The following BMP6 variants were observed in gnomAD, a reference collection of about 807,000 sequenced individuals.
BMP6 encodes the protein VG-1-R.
BMP6 carries 17 observed loss-of-function variants against 54.1 expected under a neutral mutation model. That is an observed-to-expected ratio of 0.31 (90% CI 0.22 to 0.47). The LOEUF is 0.47. Ranked by LOEUF, BMP6 falls within the 20% of genes least tolerant of loss-of-function variation. The pLI, the probability that BMP6 is intolerant of heterozygous loss-of-function variation, is 1.00. For synonymous variants in BMP6, 328 were observed against 291.2 expected (o/e 1.13, Z -1.28); for missense variants, 720 against 690.4 (o/e 1.04, Z -0.48).
At chr6:7,769,580 A>ATTTC (rs1057295998) in intron 1 of BMP6, among the ~76,000 whole-genome samples, 3 of 152,222 alleles carry the variant, frequency 2.0e-5, no homozygotes, top group Admixed American at 2.0e-4. Context: ...AAAACTTGAA[A>ATTTC]GACTTAACTG....
chr6:7,798,363 A>C (rs899482793), intron 1 of BMP6, among the ~76,000 whole-genome samples: 1 of 152,328 alleles, frequency 6.6e-6, no homozygotes, highest in Non-Finnish European at 1.5e-5. Flanking sequence ...TCCTCACCTT[A>C]CTGATGGTGA....
chr6:7,822,525 A>G (rs1039099386), intron 1 of BMP6, among the ~76,000 whole-genome samples: 1 of 152,146 alleles, frequency 6.6e-6, no homozygotes, highest in African/African-American at 2.4e-5. Flanking sequence ...CAGTGGTGCC[A>G]CCTCACTGCT....
chr6:7,852,625 A>G (rs897786031), intron 2 of BMP6, among the ~76,000 whole-genome samples: 8 of 152,110 alleles, frequency 5.3e-5, no homozygotes, highest in Non-Finnish European at 8.8e-5. Flanking sequence ...AAAAACCATA[A>G]AAGTCTGGAA....
intron 5 of BMP6, among the ~76,000 whole-genome samples, chr6:7,879,696 C>T (rs1759679921): frequency 1.3e-5 from 2 of 152,122 alleles, no homozygotes; most frequent in Admixed American, 6.5e-5. Context: ...ACCGTGGGCT[C>T]CTGGAGAGGC....
At chr6:7,835,605 T>C (rs192192163) in intron 1 of BMP6, among the ~76,000 whole-genome samples, 2 of 151,228 alleles carry the variant, frequency 1.3e-5, no homozygotes, top group East Asian at 3.9e-4. Context: ...GATTGATTTT[T>C]ACTAAATGTG....
At chr6:7,849,105 C>T (rs934974979) in intron 2 of BMP6, among the ~76,000 whole-genome samples, 3 of 152,130 alleles carry the variant, frequency 2.0e-5, no homozygotes, top group Admixed American at 6.5e-5. Flanking sequence ...GACGAAGTAC[C>T]GGAAAGAGGT....
At chr6:7,811,630 C>A (rs1357234930) in intron 1 of BMP6, among the ~76,000 whole-genome samples, 1 of 152,144 alleles carries the variant, frequency 6.6e-6, no homozygotes, top group Non-Finnish European at 1.5e-5. Flanking sequence ...GGGTAGTGTT[C>A]TTTTCTGCTG....
chr6:7,795,817 G>A (rs1411908854), intron 1 of BMP6, among the ~76,000 whole-genome samples: 1 of 152,136 alleles, frequency 6.6e-6, no homozygotes, highest in African/African-American at 2.4e-5. Flanking sequence ...CAATGGTAGG[G>A]AATGAGGTGT....
chr6:7,756,222 G>A (rs1475359688), intron 1 of BMP6, among the ~76,000 whole-genome samples: 4 of 151,862 alleles, frequency 2.6e-5, no homozygotes, highest in African/African-American at 9.7e-5. Context: ...TCTCTGTGTT[G>A]TCTCATTTGG....
intron 1 of BMP6, among the ~76,000 whole-genome samples, chr6:7,821,713 T>C (rs1395879391): frequency 2.0e-5 from 3 of 152,154 alleles, no homozygotes. Context: ...GTGACTACCA[T>C]GTGTGGTGAT....
chr6:7,794,041 G>A (rs1322242), intron 1 of BMP6, among the ~76,000 whole-genome samples: 7,192 of 152,264 alleles, frequency 0.047, 223 homozygotes, highest in Middle Eastern at 0.078. Flanking sequence ...GCTCTCATTC[G>A]CAAGCTCTGT....
intron 1 of BMP6, among the ~76,000 whole-genome samples, chr6:7,814,077 C>T (rs1192984257): frequency 6.6e-6 from 1 of 152,192 alleles, no homozygotes; most frequent in African/African-American, 2.4e-5. Context: ...CACCAAGTGG[C>T]CCTTTCCATC....
At chr6:7,828,153 T>C (rs1353584724) in intron 1 of BMP6, among the ~76,000 whole-genome samples, 1 of 152,234 alleles carries the variant, frequency 6.6e-6, no homozygotes, top group Non-Finnish European at 1.5e-5. Context: ...TTAGGAAGCA[T>C]TGCCTATTCA....
chr6:7,836,615 T>G (rs1758881030), intron 1 of BMP6, among the ~76,000 whole-genome samples: 1 of 152,220 alleles, frequency 6.6e-6, no homozygotes, highest in South Asian at 2.1e-4. Context: ...CAACTACTTG[T>G]GGGACTTTAA....
chr6:7,788,908 T>C (rs1476208955), intron 1 of BMP6, among the ~76,000 whole-genome samples: 3 of 151,492 alleles, frequency 2.0e-5, no homozygotes, highest in Non-Finnish European at 4.4e-5. Context: ...TGTGCTTTGC[T>C]CTCCAAGGTG....
chr6:7,880,099 T>C lies in BMP6; in HGVS notation c.1390T>C (p.Leu464=), dbSNP rs1759689211. ...NATNHAIVQT[L]VHLMNPEYVP... is the part of the protein sequence containing the mutation. ...AACCAACCACGCGATTGTGCAGACC[T>C]TGGTGAGCTCTCGGAGACTTTGTTT... Residue 464 remains leucine, a splice_region_variant and synonymous_variant, in exon 6 of 7, where the codon TTG becomes CTG. Coordinates refer to ENST00000283147, the MANE Select transcript of BMP6 (RefSeq NM_001718.6). 2 of 1,614,128 alleles carry C rather than the reference T, an allele frequency of 1.2e-6. No homozygotes were observed. Among genetic ancestry groups the C allele is most frequent in the South Asian group, 1.1e-5 (1 of 91,070 alleles).
At chr6:7,861,241 T>G (rs1170905327) in intron 2 of BMP6, among the ~76,000 whole-genome samples, 3 of 152,154 alleles carry the variant, frequency 2.0e-5, no homozygotes, top group African/African-American at 7.2e-5. Context: ...TGAAGCGCCT[T>G]ATCAGATGTG....
chr6:7,736,015 G>A (rs954663411), intron 1 of BMP6, among the ~76,000 whole-genome samples: 1 of 152,188 alleles, frequency 6.6e-6, no homozygotes, highest in South Asian at 2.1e-4. Context: ...TGTTTCTGGG[G>A]TTTTACTAAA....
At chr6:7,831,866 A>G (rs184476871) in intron 1 of BMP6, among the ~76,000 whole-genome samples, 65 of 152,296 alleles carry the variant, frequency 4.3e-4, no homozygotes, top group Admixed American at 1.7e-3. Context: ...CCTTATGCCC[A>G]TGGAGGATAC....
Sources: allele counts gnomAD v4.1 joint callset (sites outside exome capture counted in the v4.1 genomes callset), GRCh38; gene constraint gnomAD v4.1.1; transcripts MANE v1.5; gene names NCBI Gene and HGNC (gene_info 2026-07-23, HGNC 2026-07-21).